YEATS2: variants seen among roughly 807,000 people sequenced by gnomAD.
YEATS2 encodes YEATS domain-containing protein 2.
A neutral mutation model predicts 163.2 loss-of-function variants in YEATS2; 77 were observed. That is an observed-to-expected ratio of 0.47 (90% CI 0.39 to 0.57). The LOEUF is 0.57. YEATS2 is among the 20% of genes least tolerant of loss of function. YEATS2 has a pLI of 0.00. For synonymous variants in YEATS2, 631 were observed against 645.1 expected (o/e 0.98, Z 0.33); for missense variants, 1,549 against 1,729.8 (o/e 0.90, Z 1.85).
intron 11 of YEATS2, among the ~76,000 whole-genome samples, chr3:183,754,969 C>T (rs929748975): frequency 2.6e-5 from 4 of 151,916 alleles, no homozygotes; most frequent in Non-Finnish European, 5.9e-5. Context: ...TGTTAAAAGG[C>T]AATTGGAAAT....
At chr3:183,740,746 A>G (rs1377768133) in intron 8 of YEATS2, among the ~76,000 whole-genome samples, 2 of 152,228 alleles carry the variant, frequency 1.3e-5, no homozygotes, top group African/African-American at 4.8e-5. Context: ...AGCTGCAGCA[A>G]GTTATCCAGA....
intron 15 of YEATS2, among the ~76,000 whole-genome samples, chr3:183,771,508 C>CT (rs199935565): frequency 0.088 from 4,279 of 48,732 alleles, 227 homozygotes; most frequent in East Asian, 0.24. Context: ...GTACTGGGGT[C>CT]TTTTTTTTTT....
chr3:183,797,682 C>T (rs1441472126), intron 21 of YEATS2, among the ~76,000 whole-genome samples: 5 of 152,050 alleles, frequency 3.3e-5, no homozygotes, highest in Non-Finnish European at 5.9e-5. Flanking sequence ...GCCGAGATCG[C>T]GTCAGCCTGG....
chr3:183,737,325 G>C (rs1718445183), intron 8 of YEATS2, among the ~76,000 whole-genome samples: 1 of 152,128 alleles, frequency 6.6e-6, no homozygotes, highest in Non-Finnish European at 1.5e-5. Context: ...GGAGTGTTAG[G>C]TCTTCTGCAA....
chr3:183,803,884 T>C, intron 26 of YEATS2, 103 bp from the exon 27 acceptor site: 2 of 1,274,702 alleles, frequency 1.6e-6, no homozygotes, highest in Middle Eastern at 2.5e-4. Context: ...AAAAAAAAAT[T>C]CTAACAGGTT....
At chr3:183,750,157 C>A (rs1463048851) in intron 9 of YEATS2, among the ~76,000 whole-genome samples, 1 of 152,252 alleles carries the variant, frequency 6.6e-6, no homozygotes, top group Middle Eastern at 3.4e-3. Flanking sequence ...CAGGGTCTCA[C>A]TATGTTGTCC....
intron 15 of YEATS2, among the ~76,000 whole-genome samples, chr3:183,769,912 C>G (rs1399119397): frequency 6.6e-6 from 1 of 151,516 alleles, no homozygotes; most frequent in Non-Finnish European, 1.5e-5. Flanking sequence ...GTCTCAATCT[C>G]TTGACCTTGT....
In YEATS2 at chr3:183,777,527, T is replaced by A. The variant is rs1174360770; in HGVS notation, c.2578-15T>A. 1.2e-6 allele frequency: 2 copies of A among 1,611,382 alleles called. No individual in the cohort carries two copies. The highest frequency in any genetic ancestry group is 1.7e-6 in the Non-Finnish European group (2 of 1,179,130). On this transcript the variant is annotated splice_polypyrimidine_tract_variant and intron_variant, in intron 18 of 30. Coordinates refer to ENST00000305135, the MANE Select transcript of YEATS2 (RefSeq NM_018023.5). ...CAAATTACCGATTAGTTCTTTATAT[T>A]TTTTTCTAACTTAGGGCACATTTTT... is the stretch of plus-strand genomic sequence containing the variant.
rs151153877 is a variant in YEATS2, at chr3:183,768,949, G to A, written c.1948-3356G>A. 4.5e-4 allele frequency among the ~76,000 whole-genome samples: 69 copies of A among 152,296 alleles called. 1 individual carries two copies. Among genetic ancestry groups the A allele is most frequent in the African/African-American group, 1.7e-3 (69 of 41,560 alleles). ...ATCGTGCCACCGCACTCCAGCCTGG[G>A]CAACAAGAGCAAAACTCCGTCTCAA... On this transcript the variant is annotated intron_variant, in intron 15 of 30. Coordinates refer to ENST00000305135, the MANE Select transcript of YEATS2 (RefSeq NM_018023.5).
chr3:183,715,999 C>T (rs574629303), intron 2 of YEATS2, among the ~76,000 whole-genome samples: 7 of 151,800 alleles, frequency 4.6e-5, no homozygotes, highest in South Asian at 2.1e-4. Context: ...TTGCTCTGTC[C>T]CCCAGGCTGG....
intron 15 of YEATS2, among the ~76,000 whole-genome samples, chr3:183,768,921 G>C (rs980007955): frequency 2.6e-5 from 4 of 152,192 alleles, no homozygotes; most frequent in African/African-American, 9.6e-5. Flanking sequence ...GCGGTGAGCT[G>C]AGATCGTGCC....
chr3:183,785,018 A>G (rs1435648488), intron 19 of YEATS2, among the ~76,000 whole-genome samples: 1 of 151,688 alleles, frequency 6.6e-6, no homozygotes, highest in East Asian at 1.9e-4. Flanking sequence ...GGTTGCAGTG[A>G]GCCAAGATCG....
At chr3:183,749,087 C>G (rs1719877327) in intron 9 of YEATS2, among the ~76,000 whole-genome samples, 1 of 152,100 alleles carries the variant, frequency 6.6e-6, no homozygotes, top group African/African-American at 2.4e-5. Flanking sequence ...GGACCACAGG[C>G]ACCCGCCACC....
chr3:183,699,020 G>A (rs1713790155), intron 1 of YEATS2, among the ~76,000 whole-genome samples: 1 of 152,182 alleles, frequency 6.6e-6, no homozygotes, highest in Non-Finnish European at 1.5e-5. Flanking sequence ...GAGAAGGCGA[G>A]TAGCATGATC....
intron 23 of YEATS2, among the ~76,000 whole-genome samples, 183 bp downstream of exon 23, chr3:183,799,172 T>G (rs1725435857): frequency 6.6e-6 from 1 of 152,248 alleles, no homozygotes; most frequent in East Asian, 1.9e-4. Flanking sequence ...ATGGTAGACT[T>G]AACATTGAGG....
chr3:183,735,385 G>A (rs1406919246), intron 7 of YEATS2, among the ~76,000 whole-genome samples: 5 of 152,184 alleles, frequency 3.3e-5, no homozygotes, highest in Non-Finnish European at 7.3e-5. Flanking sequence ...CCCCAAGTGT[G>A]AATCTATACC....
At chr3:183,766,667 G>A (rs776174263) in intron 15 of YEATS2, among the ~76,000 whole-genome samples, 3 of 152,162 alleles carry the variant, frequency 2.0e-5, no homozygotes, top group East Asian at 3.9e-4. Flanking sequence ...GCTCTAGGCC[G>A]AAATACGTTG....
At chr3:183,767,988 G>T (rs1031421893) in intron 15 of YEATS2, among the ~76,000 whole-genome samples, 1 of 152,188 alleles carries the variant, frequency 6.6e-6, no homozygotes, top group Admixed American at 6.5e-5. Context: ...TGCTTTCTTT[G>T]TTTAGGAACA....
intron 15 of YEATS2, among the ~76,000 whole-genome samples, chr3:183,770,788 TTTC>T (rs1469542104): frequency 6.6e-6 from 1 of 152,256 alleles, no homozygotes; most frequent in Admixed American, 6.5e-5. Context: ...CCCTTTTCGC[TTTC>T]TTATTTTTCC....
Sources: allele counts gnomAD v4.1 joint callset (sites outside exome capture counted in the v4.1 genomes callset), GRCh38; gene constraint gnomAD v4.1.1; transcripts MANE v1.5; gene names NCBI Gene and HGNC (gene_info 2026-07-23, HGNC 2026-07-21).